Variants in KNL1 observed in about 807,000 individuals in gnomAD.
KNL1 encodes the protein kinetochore scaffold 1, also known as outer kinetochore KNL1 complex subunit KNL1.
A neutral mutation model predicts 201.3 loss-of-function variants in KNL1; 66 were observed. The ratio of observed to expected loss-of-function variants is 0.33; its 90% CI spans 0.27 to 0.40. The LOEUF (loss-of-function observed/expected upper bound fraction) is 0.40. KNL1 is among the 10% of genes least tolerant of loss of function. The pLI, the probability that KNL1 is intolerant of heterozygous loss-of-function variation, is 1.00. For missense variants in KNL1, 2,815 were observed against 2,690.5 expected (o/e 1.05, Z -1.02); for synonymous variants, 895 against 899.2 (o/e 1.00, Z 0.08).
rs915775455 is a variant in KNL1, at chr15:40,613,883, C to T, written c.285-1458C>T. Among the ~76,000 whole-genome samples, 16 of 151,952 alleles carry T rather than the reference C, an allele frequency of 1.1e-4. No individual in the cohort carries two copies. In the East Asian group the frequency reaches 2.3e-3, roughly 22 times the overall value. Reference sequence around the variant, plus strand: ...CGCCATCTCGGCCCACTGCAAGCTCCGCCTCCTGGTTTCACGCCATTCTCC... The same window carrying T: ...CGCCATCTCGGCCCACTGCAAGCTCTGCCTCCTGGTTTCACGCCATTCTCC... On this transcript the variant is annotated intron_variant, in intron 7 of 25. Coordinates refer to ENST00000399668, the MANE Select transcript of KNL1 (RefSeq NM_144508.5).
chr15:40,598,044 C>G (rs1024266082), intron 1 of KNL1, among the ~76,000 whole-genome samples: 44 of 151,950 alleles, frequency 2.9e-4, no homozygotes, highest in African/African-American at 1.0e-3. Flanking sequence ...GTGGCAGGCG[C>G]CTGGAATCCC....
intron 13 of KNL1, among the ~76,000 whole-genome samples, chr15:40,636,737 G>A (rs898204076): frequency 2.0e-5 from 3 of 152,104 alleles, no homozygotes; most frequent in Non-Finnish European, 4.4e-5. Context: ...AGGCTGAAGT[G>A]GGAGAATCAC....
At chr15:40,635,542 C>T (rs1382460272) in intron 13 of KNL1, among the ~76,000 whole-genome samples, 1 of 151,936 alleles carries the variant, frequency 6.6e-6, no homozygotes, top group Non-Finnish European at 1.5e-5. Flanking sequence ...TTAGTAGAGG[C>T]AGGGTTTCCC....
chr15:40,604,131 C>A (rs1891899011), intron 2 of KNL1, among the ~76,000 whole-genome samples: 1 of 151,880 alleles, frequency 6.6e-6, no homozygotes, highest in Non-Finnish European at 1.5e-5. Flanking sequence ...TCATCATCAT[C>A]ATCATCATCA....
rs1595914678 is a variant in KNL1 at position 40,605,072 on chromosome 15, T to A, written c.36-38T>A. The A allele has an allele frequency of 3.7e-6, 4 of 1,083,004 alleles. 1 individual carries two copies. The allele number at this position is 1,083,004 out of a possible 1,614,324, so 67.1% of individuals were successfully genotyped here. A position where few individuals can be genotyped will look rare whatever the true frequency, so the allele number is the denominator to read the frequency against. ...GATGCCTTTTGTGAATTCATTTTTT[T>A]AAATCACTGTGTATATAATTTTGTT... On this transcript the variant is annotated intron_variant, in intron 2 of 25. Coordinates refer to ENST00000399668, the MANE Select transcript of KNL1 (RefSeq NM_144508.5).
intron 13 of KNL1, among the ~76,000 whole-genome samples, chr15:40,635,050 A>ATTTTTT (rs35448029): frequency 7.0e-6 from 1 of 142,470 alleles, no homozygotes; most frequent in Non-Finnish European, 1.5e-5. Context: ...CTGTTTCAGG[A>ATTTTTT]TTTTTTTTTT....
At chr15:40,596,221 C>G (rs1358817816) in intron 1 of KNL1, among the ~76,000 whole-genome samples, 2 of 151,778 alleles carry the variant, frequency 1.3e-5, no homozygotes, top group Non-Finnish European at 2.9e-5. Context: ...AACTTAGTAG[C>G]CATTTAAAAA....
chr15:40,628,725 T>C, intron 12 of KNL1, 47 bp downstream of exon 12: 1 of 1,238,718 alleles, frequency 8.1e-7, no homozygotes, highest in African/African-American at 1.5e-5. Context: ...AGAAAAGAGG[T>C]TTAAACGTCT....
Position 40,628,669 on chromosome 15 carries a change from C to T in KNL1, c.5574C>T (p.Ser1858=), listed in dbSNP as rs754729162. ...TCAGAGATACTATTTGTGAAGAGAG[C>T]TTGAGGGAGGTATGTTAAAATTCTT... ...QFLRDTICEE[S]LREKLQDGRI... Residue 1858 remains serine (S), a synonymous_variant, in exon 12 of 26, where the codon AGC becomes AGT. Coordinates refer to ENST00000399668, the MANE Select transcript of KNL1 (RefSeq NM_144508.5). 6.3e-7 allele frequency: 1 copy of T among 1,581,824 alleles called. No homozygotes were observed. Among genetic ancestry groups the T allele is most frequent in the East Asian group, 2.3e-5 (1 of 44,376 alleles).
chr15:40,642,171 A>G lies in KNL1; in HGVS notation c.5798+1144A>G, dbSNP rs906046859. 2.0e-4 allele frequency among the ~76,000 whole-genome samples: 31 copies of G among 152,146 alleles called. 1 individual carries two copies. Among genetic ancestry groups the G allele is most frequent in the African/African-American group, 7.2e-4 (30 of 41,436 alleles). Reference sequence around the variant, plus strand: ...TCCCAGCACTTTGGGAGGCTGAGGCAGGTGGATCACGAGGTCAGGAGATCG... The same window carrying G: ...TCCCAGCACTTTGGGAGGCTGAGGCGGGTGGATCACGAGGTCAGGAGATCG... On this transcript the variant is annotated intron_variant, in intron 14 of 25. Coordinates refer to ENST00000399668, the MANE Select transcript of KNL1 (RefSeq NM_144508.5).
At chr15:40,608,107 TATC>T (rs962466450) in intron 4 of KNL1, among the ~76,000 whole-genome samples, 18 of 152,124 alleles carry the variant, frequency 1.2e-4, no homozygotes, top group African/African-American at 4.3e-4. Flanking sequence ...TGCAGTGAAA[TATC>T]ATTCAGCCTT....
chr15:40,655,829 T>A (rs1893712983), intron 22 of KNL1, among the ~76,000 whole-genome samples: 1 of 148,480 alleles, frequency 6.7e-6, no homozygotes, highest in African/African-American at 2.5e-5. Flanking sequence ...GGCAGGAGAA[T>A]GGCGTGAACC....
In KNL1 at chr15:40,663,661, G is replaced by T; in HGVS notation, c.*1473G>T. 5.1e-6 allele frequency: 1 copy of T among 195,646 alleles called. No individual in the cohort carries two copies. 12.1% of individuals were successfully genotyped at this position (195,646 alleles called of 1,614,324 possible). ...AGACTTGCTGTAAGTATTGTTTTCTGATGCCATACCCTTGTCATACATATT... is the reference window on the plus strand; with the variant it reads ...AGACTTGCTGTAAGTATTGTTTTCTTATGCCATACCCTTGTCATACATATT... On this transcript the variant is annotated 3_prime_UTR_variant, in exon 26 of 26. Coordinates refer to ENST00000399668, the MANE Select transcript of KNL1 (RefSeq NM_144508.5).
chr15:40,621,805 C>A lies in KNL1; in HGVS notation c.1541C>A (p.Pro514His), dbSNP rs774795840. The change falls in exon 10 of 26, where the codon CCC (proline) becomes CAC (histidine). Residue 514 changes from proline (P) to histidine (H), a missense_variant. Physicochemically the swap from Pro to His is moderately conservative, Grantham distance 77. Transcript: ENST00000399668. ...SNVQIAAAPT[P>H]EKEMMLQNLM... The stretch of plus-strand genomic sequence containing the variant: ...GTGCAAATAGCAGCTGCACCAACAC[C>A]CGAAAAAGAAATGATGCTCCAAAAT... 6.2e-7 allele frequency: 1 copy of A among 1,613,724 alleles called. No individual in the cohort carries two copies. Among genetic ancestry groups the A allele is most frequent in the East Asian group, 2.2e-5 (1 of 44,858 alleles).
In KNL1 at chr15:40,651,634, G is replaced by C. The variant is rs910845664; in HGVS notation, c.6314+62G>C. ...TCTGTACCTTGTGGTTGTTTAAACC[G>C]ATTGGAGCAATTGATGTATTTTTAA... is the stretch of plus-strand genomic sequence containing the variant. On this transcript the variant is annotated intron_variant, in intron 20 of 25. Transcript: ENST00000399668. 5.2e-6 allele frequency: 6 copies of C among 1,150,364 alleles called. No individual in the cohort carries two copies. The African/African-American group carries it at 7.8e-5, about 15-fold the overall frequency. The allele number at this position is 1,150,364 out of a possible 1,614,324, so 71.3% of individuals were successfully genotyped here.
intron 1 of KNL1, among the ~76,000 whole-genome samples, chr15:40,595,324 G>C (rs1381494138): frequency 6.6e-6 from 1 of 152,234 alleles, no homozygotes; most frequent in Non-Finnish European, 1.5e-5. Context: ...ACATTCTAAA[G>C]TGGTGTGGGA....
At position 40,621,554 on chromosome 15, in the gene KNL1, T is replaced by C. The variant is rs1191684243; in HGVS notation, c.1290T>C (p.Tyr430=). ...PSIQGCKTVF[Y]SSCNDAMEMT... is the part of the protein sequence containing the mutation. Reference sequence around the variant, plus strand: ...TTCAAGGTTGTAAGACTGTTTTCTATTCTAGTTGTAATGATGCCATGGAAA... The same window carrying C: ...TTCAAGGTTGTAAGACTGTTTTCTACTCTAGTTGTAATGATGCCATGGAAA... The change falls in exon 10 of 26, where the codon TAT becomes TAC. Residue 430 remains tyrosine, a synonymous_variant. Coordinates refer to ENST00000399668, the MANE Select transcript of KNL1 (RefSeq NM_144508.5). The C allele has an allele frequency of 6.2e-7, 1 of 1,610,734 alleles. No homozygotes were observed. Among genetic ancestry groups the C allele is most frequent in the Non-Finnish European group, 8.5e-7 (1 of 1,178,464 alleles).
At chr15:40,649,744 A>G (rs902957770) in intron 17 of KNL1, among the ~76,000 whole-genome samples, 3 of 152,206 alleles carry the variant, frequency 2.0e-5, no homozygotes, top group Non-Finnish European at 4.4e-5. Context: ...AGTTGGGACT[A>G]TAGGCACATG....
At chr15:40,641,590 G>A (rs1893230326) in intron 14 of KNL1, among the ~76,000 whole-genome samples, 1 of 152,132 alleles carries the variant, frequency 6.6e-6, no homozygotes, top group Admixed American at 6.5e-5. Context: ...TTTGTTTCAT[G>A]CACAAAATTG....
Sources: allele counts gnomAD v4.1 joint callset (sites outside exome capture counted in the v4.1 genomes callset), GRCh38; gene constraint gnomAD v4.1.1; transcripts MANE v1.5; gene names NCBI Gene and HGNC (gene_info 2026-07-23, HGNC 2026-07-21).